Variants in USP9X observed in about 807,000 individuals in gnomAD.
USP9X encodes the protein ubiquitin specific peptidase 9 X-linked, also known as ubiquitin carboxyl-terminal hydrolase 9X.
USP9X carries 7 observed loss-of-function variants against 190.3 expected under a neutral mutation model. The ratio of observed to expected loss-of-function variants is 0.04; its 90% confidence interval spans 0.02 to 0.07. The LOEUF is 0.07. Ranked by LOEUF, USP9X falls within the 10% of genes least tolerant of loss-of-function variation. The pLI, the probability that USP9X is intolerant of heterozygous loss-of-function variation, is 1.00. For missense variants in USP9X, 1,010 were observed against 1,916.9 expected, an observed-to-expected ratio of 0.53 and a Z score of 8.83; for synonymous variants, 645 against 659.5, an observed-to-expected ratio of 0.98 and a Z score of 0.34.
At chrX:41,197,331 T>TGGGGCCCCCCCCCCCCCCCC in intron 28 of USP9X, 33 bp from the exon 29 acceptor site, 1 of 486,766 alleles carries the variant, frequency 2.1e-6, no homozygotes, top group Non-Finnish European at 2.9e-6. Context: ...TTTGATTTCT[T>TGGGGCCCCCCCCCCCCCCCC]CCCCCCCCCA....
chrX:41,139,358 A>C (rs2062402554), intron 6 of USP9X, among the ~76,000 whole-genome samples: 1 of 112,209 alleles, frequency 8.9e-6, no homozygotes, highest in African/African-American at 3.2e-5. Context: ...TTCTTTTAAA[A>C]CCATATAAAA....
At chrX:41,176,851 A>G (rs1296457917) in intron 21 of USP9X, among the ~76,000 whole-genome samples, 2 of 112,497 alleles carry the variant, frequency 1.8e-5, no homozygotes, top group Non-Finnish European at 3.8e-5. Context: ...GTGCTATAGC[A>G]TAACAGACTG....
intron 19 of USP9X, 59 bp from the exon 20 acceptor site, chrX:41,170,411 T>C (rs2062715401): frequency 1.7e-6 from 2 of 1,163,949 alleles, no homozygotes; most frequent in Admixed American, 4.7e-5. Context: ...CACTAAGTTT[T>C]GTGTTTTGTG....
chrX:41,116,125 A>C (rs1454877171), intron 1 of USP9X, among the ~76,000 whole-genome samples: 2 of 112,218 alleles, frequency 1.8e-5, no homozygotes, highest in Non-Finnish European at 3.8e-5. Context: ...TTTGAATATG[A>C]AAATGTGTTG....
At chrX:41,162,640 G>T in intron 14 of USP9X, 150 bp from the exon 15 acceptor site, 1 of 390,302 alleles carries the variant, frequency 2.6e-6, no homozygotes, top group South Asian at 7.9e-5. Flanking sequence ...AACAGGAGAT[G>T]GATAGAAACC....
At chrX:41,168,617 C>CA (rs1318159981) in intron 18 of USP9X, among the ~76,000 whole-genome samples, 1 of 112,278 alleles carries the variant, frequency 8.9e-6, no homozygotes, top group East Asian at 2.8e-4. Flanking sequence ...CTCAGCCTCC[C>CA]AGGTAGCTGG....
chrX:41,153,808 C>T (rs528182582), intron 14 of USP9X, among the ~76,000 whole-genome samples: 7 of 111,627 alleles, frequency 6.3e-5, no homozygotes, highest in Non-Finnish European at 1.1e-4. Flanking sequence ...GTTTGTTTCC[C>T]GAGCAGTATG....
intron 1 of USP9X, among the ~76,000 whole-genome samples, chrX:41,099,096 GTTTTTTTTTTT>G (rs34179321): frequency 1.8e-4 from 8 of 44,274 alleles, no homozygotes; most frequent in South Asian, 1.9e-3. Context: ...CCAGATAATT[GTTTTTTTTTTT>G]TTTTTTTTTT....
chrX:41,163,238 T>C (rs927409429), intron 15 of USP9X, among the ~76,000 whole-genome samples: 3 of 111,533 alleles, frequency 2.7e-5, no homozygotes, highest in Admixed American at 9.6e-5. Context: ...AAAAGGCTGC[T>C]AGACCAGCAC....
rs774265785 is a variant in USP9X, at chrX:41,086,122, C to G, written c.-159+13C>G. 43 of 295,107 alleles carry G rather than the reference C, an allele frequency of 1.5e-4. 1 individual carries two copies. Among genetic ancestry groups the G allele is most frequent in the African/African-American group, 1.1e-3 (40 of 36,500 alleles). The allele number at this position is 295,107 out of a possible 1,213,427, so 24.3% of individuals were successfully genotyped here. On this transcript the variant is annotated intron_variant, in intron 1 of 44. Transcript: ENST00000378308. ...TCTGTGTCGTGCGGTGAGTGGCCAG[C>G]TGCACTGGGGCGACGCTCTTTCCCG... is the stretch of plus-strand genomic sequence containing the variant.
At chrX:41,156,787 C>CT (rs1251553477) in intron 14 of USP9X, among the ~76,000 whole-genome samples, 2 of 111,946 alleles carry the variant, frequency 1.8e-5, no homozygotes, top group Non-Finnish European at 3.8e-5. Context: ...AAGGGACCAA[C>CT]TTTCTTTGGA....
At chrX:41,175,772 T>TACACACACACACACACAC (rs769385399) in intron 21 of USP9X, among the ~76,000 whole-genome samples, 3 of 110,116 alleles carry the variant, frequency 2.7e-5, no homozygotes, top group African/African-American at 1.0e-4. Flanking sequence ...ACTATATATA[T>TACACACACACACACACAC]ACACACACAC....
chrX:41,143,077 AT>A (rs1474131134), intron 9 of USP9X, among the ~76,000 whole-genome samples: 2 of 111,153 alleles, frequency 1.8e-5, no homozygotes, highest in Non-Finnish European at 3.8e-5. Flanking sequence ...AATCTTCTTA[AT>A]TTCAGTATTA....
rs192460455 is a variant in USP9X at position 41,164,118 on chromosome X, G to A, written c.1985+1241G>A. Among the ~76,000 whole-genome samples, 63 of 111,269 alleles carry A rather than the reference G, an allele frequency of 5.7e-4. No individual in the cohort carries two copies. In the East Asian group the frequency reaches 0.014, roughly 24 times the overall value. On this transcript the variant is annotated intron_variant, in intron 15 of 44. Transcript: ENST00000378308. ...TATCTCTTGACCTCGTGATCTGCCC[G>A]CCTCGGTCCCCCAAAGTGCTGGTAT...
chrX:41,206,302 T>C (rs1380512448), intron 32 of USP9X, among the ~76,000 whole-genome samples: 3 of 112,330 alleles, frequency 2.7e-5, no homozygotes, highest in African/African-American at 9.7e-5. Flanking sequence ...ACCATTATGT[T>C]TTTTTAAAAT....
intron 2 of USP9X, among the ~76,000 whole-genome samples, chrX:41,127,605 GT>G (rs2062267445): frequency 8.9e-6 from 1 of 112,233 alleles, no homozygotes; most frequent in African/African-American, 3.2e-5. Context: ...CCGTGCTGTA[GT>G]TTCCTGTGCC....
rs2062415844 is a variant in USP9X, at chrX:41,140,767, A to G, written c.766A>G (p.Ile256Val). ...AAACGTTCAAATAATTGCAGCCCTT[A>G]TTAAGTAAGTTACATTTAAAAATCA... ...ALNVQIIAALIKPFGQCYEFL... is the reference protein window; with the variant it reads ...ALNVQIIAALVKPFGQCYEFL... Residue 256 changes from isoleucine (I) to valine (V), a missense_variant, in exon 7 of 45, where the codon ATT becomes GTT. This residue lies in a region of USP9X where 176 missense variants were observed against 247.5 expected (regional missense o/e 0.71). Coordinates refer to ENST00000378308, the MANE Select transcript of USP9X (RefSeq NM_001039591.3). 4 of 1,185,523 alleles carry G rather than the reference A, an allele frequency of 3.4e-6. No individual in the cohort carries two copies. In the Admixed American group the frequency reaches 7.1e-5, roughly 21 times the overall value.
chrX:41,110,117 G>A (rs1217183776), intron 1 of USP9X, among the ~76,000 whole-genome samples: 2 of 111,108 alleles, frequency 1.8e-5, no homozygotes, highest in African/African-American at 6.6e-5. Flanking sequence ...CCCTCCCCCA[G>A]AGAAGGGGCC....
At chrX:41,161,930 A>G (rs1261797178) in intron 14 of USP9X, among the ~76,000 whole-genome samples, 2 of 110,363 alleles carry the variant, frequency 1.8e-5, no homozygotes, top group Non-Finnish European at 3.8e-5. Context: ...TAGTCCTTTA[A>G]GTCCCAATCT....
Sources: gnomAD v4.1 joint callset for allele counts (sites outside exome capture counted in the v4.1 genomes callset) on GRCh38, gnomAD v4.1.1 for gene constraint, gnomAD v4.1.1 regional missense constraint, MANE v1.5 for transcripts, NCBI Gene and HGNC (gene_info 2026-07-23, HGNC 2026-07-21) for gene names.